TMEM132D: variants seen among roughly 807,000 people sequenced by gnomAD.
The protein encoded by TMEM132D is mature OL transmembrane protein.
Under a neutral mutation model 62.3 loss-of-function variants are expected in TMEM132D, and 21 were observed. That is an observed-to-expected ratio of 0.34 (90% CI 0.24 to 0.49). The LOEUF (loss-of-function observed/expected upper bound fraction) is 0.49. TMEM132D is among the 20% of genes least tolerant of loss of function. The pLI is 0.99. For missense variants in TMEM132D, 1,346 were observed against 1,402.8 expected (o/e 0.96, Z 0.65); for synonymous variants, 621 against 575.6 (o/e 1.08, Z -1.13).
intron 1 of TMEM132D, among the ~76,000 whole-genome samples, chr12:129,880,636 G>A (rs1324441338): frequency 2.0e-5 from 3 of 152,140 alleles, no homozygotes; most frequent in Non-Finnish European, 2.9e-5. Context: ...CACCACACGC[G>A]AAGTAGTAAT....
chr12:129,647,877 A>G (rs1183599410), intron 2 of TMEM132D, among the ~76,000 whole-genome samples: 1 of 152,262 alleles, frequency 6.6e-6, no homozygotes, highest in East Asian at 1.9e-4. Context: ...TGATGGGAAA[A>G]AAGATCTGCC....
chr12:129,104,397 T>C (rs1476243707), intron 5 of TMEM132D, among the ~76,000 whole-genome samples: 1 of 152,118 alleles, frequency 6.6e-6, no homozygotes, highest in Non-Finnish European at 1.5e-5. Flanking sequence ...CAATTCAAGA[T>C]GGATTAAAGA....
At chr12:129,677,552 G>A (rs1880661470) in intron 2 of TMEM132D, among the ~76,000 whole-genome samples, 1 of 152,136 alleles carries the variant, frequency 6.6e-6, no homozygotes, top group African/African-American at 2.4e-5. Context: ...AACTGACTTG[G>A]TTTTTCTTTC....
intron 2 of TMEM132D, among the ~76,000 whole-genome samples, chr12:129,539,295 G>T (rs144157540): frequency 8.7e-5 from 13 of 150,100 alleles, no homozygotes; most frequent in African/African-American, 3.2e-4. Context: ...GCAGTGGCAC[G>T]ACCTCGGCTC....
chr12:129,302,729 G>A (rs566423379), intron 4 of TMEM132D, among the ~76,000 whole-genome samples: 2 of 152,342 alleles, frequency 1.3e-5, no homozygotes, highest in South Asian at 2.1e-4. Context: ...ATAAGCACGT[G>A]TTCAGTGTCA....
chr12:129,233,218 G>A, intron 4 of TMEM132D, among the ~76,000 whole-genome samples: 1 of 152,118 alleles, frequency 6.6e-6, no homozygotes, highest in African/African-American at 2.4e-5. Context: ...TATGAGGGAG[G>A]GGGCCCTGTG....
intron 1 of TMEM132D, among the ~76,000 whole-genome samples, chr12:129,702,884 T>C (rs1355451289): frequency 2.6e-5 from 4 of 152,256 alleles, no homozygotes; most frequent in East Asian, 1.9e-4. Flanking sequence ...TAGGATGTTA[T>C]TCACTGTCCT....
intron 3 of TMEM132D, among the ~76,000 whole-genome samples, chr12:129,460,714 T>G (rs1253775888): frequency 6.6e-6 from 1 of 152,220 alleles, no homozygotes; most frequent in Non-Finnish European, 1.5e-5. Context: ...GGGATGGATC[T>G]CTGAAGACAG....
At chr12:129,649,104 A>T (rs765090458) in intron 2 of TMEM132D, among the ~76,000 whole-genome samples, 20 of 152,186 alleles carry the variant, frequency 1.3e-4, no homozygotes, top group Non-Finnish European at 2.6e-4. Flanking sequence ...CAAATGAAGA[A>T]ACCAATATTT....
rs952880778 is a variant in TMEM132D at position 129,432,223 on chromosome 12, T to TTGGA, written c.1116-94410_1116-94407dup. ...GATGGTTGCATGGATGGATGGATGCTTGGATGGATGGATGGATGGATGGTT... is the reference window on the plus strand; with the variant it reads ...GATGGTTGCATGGATGGATGGATGCTTGGATGGATGGATGGATGGATGGATGGTT... On this transcript the variant is annotated intron_variant, in intron 3 of 8. Transcript: ENST00000422113. Among the ~76,000 whole-genome samples, 20 of 132,078 alleles carry TTGGA rather than the reference T, an allele frequency of 1.5e-4. 1 individual carries two copies. Among genetic ancestry groups the TTGGA allele is most frequent in the East Asian group, 6.6e-4 (3 of 4,538 alleles). The allele number at this position is 132,078 out of a possible 152,430, so 86.6% of individuals were successfully genotyped here. A position where few individuals can be genotyped will look rare whatever the true frequency, so the allele number is the denominator to read the frequency against.
chr12:129,654,403 G>A (rs1256674324), intron 2 of TMEM132D, among the ~76,000 whole-genome samples: 3 of 151,776 alleles, frequency 2.0e-5, no homozygotes, highest in Non-Finnish European at 2.9e-5. Context: ...CACTCTTCTC[G>A]AGAAAATTTT....
chr12:129,884,511 G>A (rs917866495), intron 1 of TMEM132D, among the ~76,000 whole-genome samples: 15 of 152,146 alleles, frequency 9.9e-5, no homozygotes, highest in African/African-American at 3.6e-4. Flanking sequence ...CACACTAAAT[G>A]CCACTCAACA....
intron 5 of TMEM132D, among the ~76,000 whole-genome samples, chr12:129,127,354 C>A (rs1207917199): frequency 6.6e-6 from 1 of 152,182 alleles, no homozygotes; most frequent in Non-Finnish European, 1.5e-5. Flanking sequence ...CCACACAACT[C>A]CAGAGCAGCT....
chr12:129,790,989 CAG>C (rs1275465382), intron 1 of TMEM132D, among the ~76,000 whole-genome samples: 14 of 152,226 alleles, frequency 9.2e-5, no homozygotes, highest in Admixed American at 3.9e-4. Flanking sequence ...TGGCAATTGT[CAG>C]AGAGTCAAAA....
At chr12:129,582,370 C>T (rs1166412598) in intron 2 of TMEM132D, among the ~76,000 whole-genome samples, 1 of 152,174 alleles carries the variant, frequency 6.6e-6, no homozygotes, top group Non-Finnish European at 1.5e-5. Flanking sequence ...CTGGTACTTA[C>T]CCCCCAGAGA....
At chr12:129,215,680 ACT>A (rs1261533707) in intron 4 of TMEM132D, among the ~76,000 whole-genome samples, 1 of 151,924 alleles carries the variant, frequency 6.6e-6, no homozygotes, top group Non-Finnish European at 1.5e-5. Flanking sequence ...AAGTGCAGGG[ACT>A]CTCTCTTGGA....
At chr12:129,334,506 C>G (rs926279469) in intron 4 of TMEM132D, among the ~76,000 whole-genome samples, 4 of 152,208 alleles carry the variant, frequency 2.6e-5, no homozygotes, top group Non-Finnish European at 5.9e-5. Flanking sequence ...GACTCAGAAC[C>G]ACTACCAATA....
chr12:129,556,058 TA>T (rs1877047561), intron 2 of TMEM132D, among the ~76,000 whole-genome samples: 1 of 152,326 alleles, frequency 6.6e-6, no homozygotes, highest in South Asian at 2.1e-4. Context: ...GTCATGAATG[TA>T]CATGAACTAG....
At chr12:129,297,151 C>A (rs1881599016) in intron 4 of TMEM132D, among the ~76,000 whole-genome samples, 1 of 152,186 alleles carries the variant, frequency 6.6e-6, no homozygotes, top group African/African-American at 2.4e-5. Flanking sequence ...GGAAAGTCCT[C>A]AGAGTCAATG....
Sources: allele counts gnomAD v4.1 joint callset (sites outside exome capture counted in the v4.1 genomes callset), GRCh38; gene constraint gnomAD v4.1.1; transcripts MANE v1.5; gene names NCBI Gene and HGNC (gene_info 2026-07-23, HGNC 2026-07-21).